Variants in CAMK2A observed in about 807,000 individuals in gnomAD.
The protein encoded by CAMK2A is calcium/calmodulin-dependent protein kinase type II subunit alpha.
A neutral mutation model predicts 79.2 loss-of-function variants in CAMK2A; 7 were observed. That is an observed-to-expected ratio of 0.09 (90% confidence interval 0.05 to 0.17). The LOEUF is 0.17. Ranked by LOEUF, CAMK2A falls within the 10% of genes least tolerant of loss-of-function variation. The pLI is 1.00. For synonymous variants in CAMK2A, 242 were observed against 251.7 expected (o/e 0.96, Z 0.36); for missense variants, 214 against 646.4 (o/e 0.33, Z 7.25).
At chr5:150,254,920 T>C (rs1755989182) in intron 6 of CAMK2A, among the ~76,000 whole-genome samples, 1 of 152,172 alleles carries the variant, frequency 6.6e-6, no homozygotes. Flanking sequence ...CTGAAGACTG[T>C]TGGTTTTGAG....
At chr5:150,250,346 C>T (rs1201727837) in intron 10 of CAMK2A, 37 bp from the exon 11 acceptor site, 2 of 1,575,674 alleles carry the variant, frequency 1.3e-6, no homozygotes, top group Admixed American at 1.7e-5. Flanking sequence ...GAGTGGAAGG[C>T]AGGCTGGAAG....
chr5:150,250,961 G>C (rs1011510817), intron 9 of CAMK2A, 151 bp from the exon 10 acceptor site: 1 of 830,824 alleles, frequency 1.2e-6, no homozygotes, highest in Non-Finnish European at 1.9e-6. Flanking sequence ...CCTCACTGCA[G>C]GGGAGGGCCC....
At chr5:150,225,121 A>T (rs1485568411) in intron 17 of CAMK2A, among the ~76,000 whole-genome samples, 1 of 152,124 alleles carries the variant, frequency 6.6e-6, no homozygotes, top group Non-Finnish European at 1.5e-5. Context: ...ATTAAAAAAA[A>T]AAAAGTCAGT....
intron 15 of CAMK2A, 55 bp from the exon 16 acceptor site, chr5:150,231,435 A>T: frequency 1.4e-6 from 1 of 722,398 alleles, no homozygotes; most frequent in Non-Finnish European, 2.0e-6. Context: ...TAATAATAAT[A>T]ATAATAATAG....
chr5:150,277,720 A>T (rs772571712), intron 1 of CAMK2A, among the ~76,000 whole-genome samples: 2 of 152,190 alleles, frequency 1.3e-5, no homozygotes, highest in Non-Finnish European at 2.9e-5. Context: ...GCTCAGAGAG[A>T]GGAGTTTCTC....
chr5:150,283,224 G>C (rs1757287805), intron 1 of CAMK2A, among the ~76,000 whole-genome samples: 1 of 152,190 alleles, frequency 6.6e-6, no homozygotes, highest in African/African-American at 2.4e-5. Flanking sequence ...AGGCTGAACA[G>C]GCCAGAGAAG....
At chr5:150,224,739 C>T (rs1327734684) in intron 17 of CAMK2A, among the ~76,000 whole-genome samples, 1 of 152,136 alleles carries the variant, frequency 6.6e-6, no homozygotes, top group Non-Finnish European at 1.5e-5. Context: ...GCGTCCCTGA[C>T]AGCATTCAGG....
chr5:150,259,968 C>CA (rs1213044496), intron 3 of CAMK2A, among the ~76,000 whole-genome samples: 1 of 150,164 alleles, frequency 6.7e-6, no homozygotes, highest in African/African-American at 2.5e-5. Context: ...GGCATCATCT[C>CA]AAAAAATAAA....
At chr5:150,289,219 A>G (rs990264226) in intron 1 of CAMK2A, among the ~76,000 whole-genome samples, 1 of 152,248 alleles carries the variant, frequency 6.6e-6, no homozygotes. Context: ...CCAGCTGACT[A>G]GGAAAATCCC....
chr5:150,259,249 G>A (rs1347890973), intron 3 of CAMK2A, among the ~76,000 whole-genome samples: 8 of 151,986 alleles, frequency 5.3e-5, no homozygotes, highest in Middle Eastern at 3.2e-3. Flanking sequence ...GGCCAGGTGC[G>A]GTGGCTCACC....
chr5:150,252,711 T>A (rs971624468), intron 7 of CAMK2A, among the ~76,000 whole-genome samples: 7 of 152,146 alleles, frequency 4.6e-5, no homozygotes, highest in African/African-American at 1.7e-4. Context: ...AGTTACCGAG[T>A]GTGTATGCTA....
At chr5:150,222,749 G>T (rs767659256) in intron 18 of CAMK2A, 36 bp from the exon 19 acceptor site, 4 of 1,613,580 alleles carry the variant, frequency 2.5e-6, no homozygotes, top group Non-Finnish European at 3.4e-6. Flanking sequence ...TCAGGGCATG[G>T]TGTTTCCTGC....
At chr5:150,264,932 C>T (rs377247381) in intron 3 of CAMK2A, 24 bp downstream of exon 3, 8 of 1,607,712 alleles carry the variant, frequency 5.0e-6, no homozygotes, top group African/African-American at 1.3e-5. Flanking sequence ...CTCCCCTGCG[C>T]CCCTCTCATC....
At chr5:150,286,232 A>T (rs187814782) in intron 1 of CAMK2A, among the ~76,000 whole-genome samples, 4 of 152,224 alleles carry the variant, frequency 2.6e-5, no homozygotes, top group South Asian at 2.1e-4. Flanking sequence ...CCCCACCCCA[A>T]CCTTCTAGGA....
chr5:150,266,789 C>G (rs923319538), intron 2 of CAMK2A, among the ~76,000 whole-genome samples: 7 of 151,882 alleles, frequency 4.6e-5, no homozygotes, highest in Middle Eastern at 3.4e-3. Flanking sequence ...GAAGGAAACT[C>G]ATGCCAACAC....
At chr5:150,253,297 G>C in intron 7 of CAMK2A, 147 bp downstream of exon 7, 1 of 653,368 alleles carries the variant, frequency 1.5e-6, no homozygotes, top group East Asian at 2.7e-5. Flanking sequence ...TCAGAGGCTG[G>C]GTGGGACAGG....
chr5:150,223,104 C>T lies in CAMK2A; in HGVS notation c.1351G>A (p.Ala451Thr), dbSNP rs374924411. 23 of 1,614,062 alleles carry T rather than the reference C, an allele frequency of 1.4e-5. No homozygotes were observed. Among genetic ancestry groups the T allele is most frequent in the Middle Eastern group, 1.6e-4 (1 of 6,084 alleles). ...AYIRITQYLD[A>T]GGIPRTAQSE... is the part of the protein sequence containing the mutation. ...TGGGCGGTGCGTGGGATGCCGCCAG[C>T]GTCCAGGTACTGCGTGATGCGGATG... is the stretch of plus-strand genomic sequence containing the variant. The change falls in exon 18 of 19, where the codon GCT becomes ACT. Residue 451 changes from alanine (A) to threonine (T), a missense_variant. Ala to Thr is a moderately conservative substitution (Grantham distance 58). This residue lies in a region of CAMK2A where 123 missense variants were observed against 242.4 expected (regional missense o/e 0.51). Coordinates refer to ENST00000671881, the MANE Select transcript of CAMK2A (RefSeq NM_015981.4). The surrounding 1 kb of genome is among the most constrained non-coding windows in gnomAD (Gnocchi z 4.1).
At chr5:150,265,116 G>C in intron 2 of CAMK2A, 101 bp from the exon 3 acceptor site, 1 of 873,498 alleles carries the variant, frequency 1.1e-6, no homozygotes, top group Non-Finnish European at 1.9e-6. Flanking sequence ...TCCCAGGGCA[G>C]CCCCTGGGGG....
At position 150,223,653 on chromosome 5, in the gene CAMK2A, G is replaced by A. The variant is rs528145480; in HGVS notation, c.1238-436C>T. Among the ~76,000 whole-genome samples the A allele has an allele frequency of 1.3e-5, 2 of 152,242 alleles. No homozygotes were observed. Among genetic ancestry groups the A allele is most frequent in the East Asian group, 3.9e-4 (2 of 5,176 alleles). On this transcript the variant is annotated intron_variant, in intron 17 of 18. Transcript: ENST00000671881. This position sits in a 1 kb window ranked among gnomAD's most constrained non-coding sequence, Gnocchi z 4.1. ...GACCCTTTGCCTCTGGGTCAGGGAG[G>A]CGATAGGGAGTGATGGGGACTGTGG...
Sources: gnomAD v4.1 joint callset for allele counts (sites outside exome capture counted in the v4.1 genomes callset) on GRCh38, gnomAD v4.1.1 for gene constraint, gnomAD v4.1.1 regional missense constraint, Gnocchi (gnomAD v3.1) non-coding constraint, MANE v1.5 for transcripts, NCBI Gene and HGNC (gene_info 2026-07-23, HGNC 2026-07-21) for gene names.